Variants in TENM3 observed in about 807,000 individuals in gnomAD.
TENM3 encodes teneurin-3.
In TENM3, 63 loss-of-function variants were observed where a neutral mutation model predicts 255.1. The ratio of observed to expected loss-of-function variants is 0.25; its 90% CI spans 0.20 to 0.30. TENM3 has a LOEUF of 0.30. Ranked by LOEUF, TENM3 falls within the 10% of genes least tolerant of loss-of-function variation. TENM3 has a pLI of 1.00. For missense variants in TENM3, 2,929 were observed against 3,461.1 expected (o/e 0.85, Z 3.86); for synonymous variants, 1,306 against 1,322.3 (o/e 0.99, Z 0.27).
chr4:182,357,304 CA>C (rs1765621229), intron 3 of TENM3, among the ~76,000 whole-genome samples: 1 of 151,588 alleles, frequency 6.6e-6, no homozygotes. Flanking sequence ...CTGACTTCCA[CA>C]ATGGTTGAAC....
the TENM3 span, among the ~76,000 whole-genome samples, chr4:181,718,193 T>C: frequency 1.3e-5 from 2 of 152,224 alleles, no homozygotes; most frequent in Admixed American, 6.5e-5. Context: ...AATACAAGTC[T>C]GGAAAGACAT....
chr4:182,780,867 T>A, intron 24 of TENM3, among the ~76,000 whole-genome samples: 1 of 150,392 alleles, frequency 6.6e-6, no homozygotes, highest in African/African-American at 2.5e-5. Context: ...TGTCTGTTGT[T>A]GGTGTATAAG....
chr4:182,410,472 C>T (rs1340235670), intron 3 of TENM3, among the ~76,000 whole-genome samples: 1 of 152,232 alleles, frequency 6.6e-6, no homozygotes, highest in Non-Finnish European at 1.5e-5. Context: ...CACAGTATTT[C>T]TCTTTGCAGG....
At chr4:182,451,550 A>G (rs531872908) in intron 3 of TENM3, among the ~76,000 whole-genome samples, 3 of 152,308 alleles carry the variant, frequency 2.0e-5, no homozygotes, top group South Asian at 4.1e-4. Flanking sequence ...CAAAGGAGGC[A>G]CTGTCTAAAT....
chr4:181,978,645 C>CAA, the TENM3 span, among the ~76,000 whole-genome samples: 2 of 72,978 alleles, frequency 2.7e-5, no homozygotes, highest in Admixed American at 1.6e-4. Context: ...GAGTCCATCT[C>CAA]AAAAAAAAAA....
At chr4:182,342,075 C>T (rs376185648) in intron 2 of TENM3, among the ~76,000 whole-genome samples, 4 of 152,260 alleles carry the variant, frequency 2.6e-5, no homozygotes, top group South Asian at 2.1e-4. Flanking sequence ...GAAAACAGTC[C>T]GGCAGTGCCT....
chr4:181,690,137 G>A, the TENM3 span, among the ~76,000 whole-genome samples: 4 of 152,056 alleles, frequency 2.6e-5, no homozygotes, highest in African/African-American at 7.2e-5. Context: ...TGCTTTCCCT[G>A]TTCAAAGGAC....
At chr4:182,736,495 C>A (rs1761176103) in intron 16 of TENM3, among the ~76,000 whole-genome samples, 1 of 152,214 alleles carries the variant, frequency 6.6e-6, no homozygotes, top group Admixed American at 6.5e-5. Flanking sequence ...TGAAGAGTAG[C>A]ACCCGAGGTA....
At chr4:181,731,810 T>C in the TENM3 span, among the ~76,000 whole-genome samples, 2 of 152,202 alleles carry the variant, frequency 1.3e-5, no homozygotes, top group African/African-American at 4.8e-5. Flanking sequence ...CATGGTCCAC[T>C]GTACTATATA....
At chr4:181,507,173 A>T in the TENM3 span, among the ~76,000 whole-genome samples, 1 of 152,190 alleles carries the variant, frequency 6.6e-6, no homozygotes, top group Non-Finnish European at 1.5e-5. Flanking sequence ...TCTGCCTCTC[A>T]AGTTGATTTC....
At position 182,324,152 on chromosome 4, in the gene TENM3, C is replaced by T. The variant is rs762640592; in HGVS notation, c.132C>T (p.Ser44=). 1.9e-6 allele frequency: 3 copies of T among 1,613,962 alleles called. No individual in the cohort carries two copies. Among genetic ancestry groups the T allele is most frequent in the South Asian group, 1.1e-5 (1 of 91,080 alleles). ...CCACACAGAAGTCCTACAGTTCCAG[C>T]GAGACATTGAAAGCTTTTGATCATG... The part of the protein sequence containing the change: ...RVPTQKSYSS[S]ETLKAFDHDS... The change falls in exon 2 of 28, where the codon AGC becomes AGT. Residue 44 remains serine, a synonymous_variant. Coordinates refer to ENST00000511685, the MANE Select transcript of TENM3 (RefSeq NM_001080477.4).
intron 12 of TENM3, among the ~76,000 whole-genome samples, chr4:182,696,667 G>A (rs1319706754): frequency 1.3e-5 from 2 of 152,054 alleles, no homozygotes; most frequent in Non-Finnish European, 2.9e-5. Context: ...AGAGGTTGCA[G>A]TGAGCTGAGA....
chr4:182,076,665 G>C, the TENM3 span, among the ~76,000 whole-genome samples: 6 of 152,196 alleles, frequency 3.9e-5, no homozygotes, highest in African/African-American at 1.4e-4. Flanking sequence ...TAATTTTGGG[G>C]GCTGTATGGC....
the TENM3 span, among the ~76,000 whole-genome samples, chr4:181,961,721 A>G: frequency 4.6e-5 from 7 of 152,324 alleles, no homozygotes; most frequent in African/African-American, 1.4e-4. Flanking sequence ...AATATATCTA[A>G]TAGTCAACAT....
chr4:181,680,695 A>G, the TENM3 span, among the ~76,000 whole-genome samples: 381 of 152,266 alleles, frequency 2.5e-3, 1 homozygote, highest in African/African-American at 8.6e-3. Flanking sequence ...TTTCTGTAAA[A>G]GATTGCCATG....
chr4:182,510,866 C>CCCT (rs1387772509), intron 3 of TENM3, among the ~76,000 whole-genome samples: 14 of 152,290 alleles, frequency 9.2e-5, no homozygotes, highest in African/African-American at 3.4e-4. Flanking sequence ...ATCCTGCACA[C>CCCT]CCTTGCTGGC....
chr4:181,867,635 G>A, the TENM3 span, among the ~76,000 whole-genome samples: 71 of 152,254 alleles, frequency 4.7e-4, 1 homozygote, highest in African/African-American at 1.3e-3. Context: ...CTGAGCAAAC[G>A]AGTTATCATT....
the TENM3 span, among the ~76,000 whole-genome samples, chr4:181,976,770 G>C: frequency 6.6e-6 from 1 of 152,332 alleles, no homozygotes; most frequent in African/African-American, 2.4e-5. Flanking sequence ...TGTCCGGATA[G>C]AAATGAATAG....
At chr4:182,100,514 T>TATAC in the TENM3 span, among the ~76,000 whole-genome samples, 1 of 142,530 alleles carries the variant, frequency 7.0e-6, no homozygotes, top group Non-Finnish European at 1.5e-5. Context: ...CACATATATA[T>TATAC]ACACACATAT....
Sources: gnomAD v4.1 joint callset for allele counts (sites outside exome capture counted in the v4.1 genomes callset) on GRCh38, gnomAD v4.1.1 for gene constraint, MANE v1.5 for transcripts, NCBI Gene and HGNC (gene_info 2026-07-23, HGNC 2026-07-21) for gene names.